Variants in PTPRK observed in about 807,000 individuals in gnomAD.
The protein encoded by PTPRK is protein tyrosine phosphatase receptor type K.
In PTPRK, 75 loss-of-function variants were observed where a neutral mutation model predicts 178.0. The ratio of observed to expected loss-of-function variants is 0.42; its 90% CI spans 0.35 to 0.51. The LOEUF is 0.51. Among genes scored for constraint, PTPRK ranks in the 20% least tolerant of loss-of-function variants. The pLI is 0.02. For synonymous variants in PTPRK, 637 were observed against 620.6 expected, an observed-to-expected ratio of 1.03 and a Z score of -0.39; for missense variants, 1,441 against 1,797.8, an observed-to-expected ratio of 0.80 and a Z score of 3.59.
chr6:128,022,066 C>T (rs961765261), intron 13 of PTPRK, among the ~76,000 whole-genome samples: 2 of 152,162 alleles, frequency 1.3e-5, no homozygotes, highest in East Asian at 1.9e-4. Flanking sequence ...CCAAATCCCT[C>T]GCTTACATTA....
chr6:128,311,778 T>C (rs1281484222), intron 3 of PTPRK, among the ~76,000 whole-genome samples: 1 of 152,046 alleles, frequency 6.6e-6, no homozygotes, highest in Non-Finnish European at 1.5e-5. Context: ...GATCAACTTT[T>C]ACTGGACCCC....
At chr6:128,108,007 C>T (rs905705555) in intron 7 of PTPRK, among the ~76,000 whole-genome samples, 51 of 151,568 alleles carry the variant, frequency 3.4e-4, no homozygotes, top group Admixed American at 4.0e-4. Context: ...AGAAAGTGAT[C>T]TCTCAACCAT....
intron 1 of PTPRK, among the ~76,000 whole-genome samples, chr6:128,443,400 G>C (rs1846534798): frequency 2.0e-5 from 3 of 151,894 alleles, no homozygotes; most frequent in Admixed American, 6.6e-5. Context: ...GAAAAATAGA[G>C]GAGGAAAGAA....
At chr6:128,227,243 T>C (rs761234526) in intron 5 of PTPRK, among the ~76,000 whole-genome samples, 2 of 152,090 alleles carry the variant, frequency 1.3e-5, no homozygotes, top group Non-Finnish European at 2.9e-5. Context: ...ACGTGATGCA[T>C]ATGAGTCCAC....
chr6:128,209,493 C>T (rs977411915), intron 6 of PTPRK, among the ~76,000 whole-genome samples: 1 of 152,150 alleles, frequency 6.6e-6, no homozygotes, highest in African/African-American at 2.4e-5. Flanking sequence ...TGGAACTTCC[C>T]ATCCTCCTCA....
At chr6:128,174,512 T>C (rs1328952404) in intron 7 of PTPRK, among the ~76,000 whole-genome samples, 1 of 151,904 alleles carries the variant, frequency 6.6e-6, no homozygotes, top group African/African-American at 2.4e-5. Context: ...GAGGTTTAAG[T>C]GCATGTTCCT....
chr6:128,440,248 C>T lies in PTPRK; in HGVS notation c.101-42560G>A, dbSNP rs536033831. On this transcript the variant is annotated intron_variant, in intron 1 of 29. Transcript: ENST00000368226. The stretch of plus-strand genomic sequence containing the variant: ...GCATCCTTTCACCTCCATTTTCTTG[C>T]AAAGCTCCTGCTACTTAATTTCTTA... Among the ~76,000 whole-genome samples the T allele has an allele frequency of 2.7e-4, 41 of 152,246 alleles. No individual in the cohort carries two copies. The South Asian group carries it at 7.9e-3, about 29-fold the overall frequency.
At chr6:128,489,564 T>G (rs76495284) in intron 1 of PTPRK, among the ~76,000 whole-genome samples, 2,403 of 152,310 alleles carry the variant, frequency 0.016, 29 homozygotes, top group Non-Finnish European at 0.026. Context: ...TCATATAAAA[T>G]TAAGGAAAAT....
At chr6:128,063,331 A>T (rs979936920) in intron 13 of PTPRK, 6 of 152,212 alleles carry the variant, frequency 3.9e-5, no homozygotes, top group African/African-American at 1.4e-4. Context: ...TCATTTTTTT[A>T]AATTTGTATC....
chr6:128,326,440 G>C (rs1242892624), intron 2 of PTPRK, among the ~76,000 whole-genome samples: 2 of 151,910 alleles, frequency 1.3e-5, no homozygotes, highest in Non-Finnish European at 2.9e-5. Context: ...TTAAAACAGA[G>C]AAAAATTAAG....
intron 8 of PTPRK, 63 bp downstream of exon 8, chr6:128,089,627 A>G: frequency 7.0e-7 from 1 of 1,437,852 alleles, no homozygotes; most frequent in Non-Finnish European, 9.7e-7. Context: ...GGAAAATCTT[A>G]AAGTAATCAC....
At chr6:128,072,051 T>G (rs1306352429) in intron 11 of PTPRK, among the ~76,000 whole-genome samples, 3 of 152,166 alleles carry the variant, frequency 2.0e-5, no homozygotes, top group Non-Finnish European at 4.4e-5. Flanking sequence ...TAGCTAGATC[T>G]AAATATTAGG....
intron 16 of PTPRK, 143 bp downstream of exon 16, chr6:127,998,577 G>T: frequency 1.9e-6 from 1 of 519,728 alleles, no homozygotes. Flanking sequence ...ACACACACTT[G>T]GTTGTACACT....
intron 3 of PTPRK, among the ~76,000 whole-genome samples, chr6:128,243,161 G>C (rs991373223): frequency 2.6e-5 from 4 of 152,064 alleles, no homozygotes; most frequent in African/African-American, 9.7e-5. Context: ...GGCTACAAAG[G>C]CTCAAAAGGG....
chr6:128,014,727 G>T (rs968948521), intron 13 of PTPRK, among the ~76,000 whole-genome samples: 4 of 151,558 alleles, frequency 2.6e-5, no homozygotes, highest in Admixed American at 2.0e-4. Flanking sequence ...GTTTTGTAAA[G>T]CACATGTTAT....
At chr6:128,436,506 A>C (rs1042564594) in intron 1 of PTPRK, among the ~76,000 whole-genome samples, 3 of 152,190 alleles carry the variant, frequency 2.0e-5, no homozygotes, top group African/African-American at 7.2e-5. Context: ...GTATATACTG[A>C]CACTAATTTC....
rs764372410 is a variant in PTPRK at position 128,519,053 on chromosome 6, C to T, written c.100+1206G>A. Reference sequence around the variant, plus strand: ...AGCCAGGAGCGTGGCTGTCGCTTTTCCCGTCTTCTCCATCACCCTCTGGCC... The same window carrying T: ...AGCCAGGAGCGTGGCTGTCGCTTTTTCCGTCTTCTCCATCACCCTCTGGCC... On this transcript the variant is annotated intron_variant, in intron 1 of 29. Transcript: ENST00000368226. This position sits in a 1 kb window ranked among gnomAD's most constrained non-coding sequence, Gnocchi z 4.3. The T allele has an allele frequency of 3.8e-6, 2 of 532,066 alleles. No individual in the cohort carries two copies. Among genetic ancestry groups the T allele is most frequent in the Non-Finnish European group, 7.7e-6 (2 of 259,526 alleles). The allele number at this position is 532,066 out of a possible 1,614,324, so 33.0% of individuals were successfully genotyped here.
At chr6:128,240,001 A>G (rs1383718971) in intron 5 of PTPRK, 34 bp downstream of exon 5, 3 of 1,495,902 alleles carry the variant, frequency 2.0e-6, no homozygotes, top group African/African-American at 1.4e-5. Flanking sequence ...AACATAAAGT[A>G]TACTCTTTAG....
chr6:128,425,406 C>T (rs1253441482), intron 1 of PTPRK, among the ~76,000 whole-genome samples: 4 of 151,946 alleles, frequency 2.6e-5, no homozygotes, highest in Non-Finnish European at 4.4e-5. Flanking sequence ...CCCTCACAAC[C>T]CCTCACCCTT....
Sources: gnomAD v4.1 joint callset for allele counts (sites outside exome capture counted in the v4.1 genomes callset) on GRCh38, gnomAD v4.1.1 for gene constraint, Gnocchi (gnomAD v3.1) non-coding constraint, MANE v1.5 for transcripts, NCBI Gene and HGNC (gene_info 2026-07-23, HGNC 2026-07-21) for gene names.